The following GLE1 variants were observed in gnomAD, a reference collection of about 807,000 sequenced individuals.
GLE1 encodes the protein mRNA export factor GLE1.
GLE1 carries 78 observed loss-of-function variants against 97.3 expected under a neutral mutation model. That is an observed-to-expected ratio of 0.80 (90% CI 0.67 to 0.97). The LOEUF (loss-of-function observed/expected upper bound fraction) is 0.97, where lower values mean the gene tolerates loss of function less well. GLE1 is among the 50% of genes least tolerant of loss of function. The pLI is 0.00. For missense variants in GLE1, 753 were observed against 857.5 expected, an observed-to-expected ratio of 0.88 and a Z score of 1.52; for synonymous variants, 302 against 313.4, an observed-to-expected ratio of 0.96 and a Z score of 0.39.
At chr9:128,528,267 G>A (rs1847367440) in intron 9 of GLE1, among the ~76,000 whole-genome samples, 1 of 150,882 alleles carries the variant, frequency 6.6e-6, no homozygotes, top group African/African-American at 2.4e-5. Flanking sequence ...GCCTCCCAAA[G>A]GGCTGGGATT....
chr9:128,510,526 CTTT>C (rs71381766), intron 2 of GLE1, among the ~76,000 whole-genome samples: 15 of 82,720 alleles, frequency 1.8e-4, no homozygotes, highest in East Asian at 3.2e-4. Context: ...CACACCCAGG[CTTT>C]TTTTTTTTTT....
rs80274116 is a variant in GLE1, at chr9:128,515,786, T to G, written c.432+147T>G. 1.0e-3 allele frequency: 681 copies of G among 666,230 alleles called. 2 individuals are homozygous for G. The highest frequency in any genetic ancestry group is 0.01 in the African/African-American group (569 of 56,408). The allele number at this position is 666,230 out of a possible 1,614,324, so 41.3% of individuals were successfully genotyped here. On this transcript the variant is annotated intron_variant, in intron 3 of 15. Coordinates refer to ENST00000309971, the MANE Select transcript of GLE1 (RefSeq NM_001003722.2). ...GGGGTAGTGTAATAGAGGTCAGGAGTGAGTGCTCTGAAGTCAAGTCTGGTT... is the reference window on the plus strand; with the variant it reads ...GGGGTAGTGTAATAGAGGTCAGGAGGGAGTGCTCTGAAGTCAAGTCTGGTT...
In GLE1 at chr9:128,524,008, T is replaced by G. The variant is rs543340999; in HGVS notation, c.897+162T>G. Among the ~76,000 whole-genome samples the G allele has an allele frequency of 2.0e-5, 3 of 152,068 alleles. No individual in the cohort carries two copies. The South Asian group carries it at 6.2e-4, about 32-fold the overall frequency. ...TATCTCTTTACCTAGAAGTAACCAC[T>G]GTTAACATTTTATTTTGTTTCTTTT... On this transcript the variant is annotated intron_variant, in intron 6 of 15. Coordinates refer to ENST00000309971, the MANE Select transcript of GLE1 (RefSeq NM_001003722.2).
chr9:128,528,533 G>A (rs1847380117), intron 9 of GLE1, among the ~76,000 whole-genome samples: 1 of 151,986 alleles, frequency 6.6e-6, no homozygotes, highest in South Asian at 2.1e-4. Context: ...TCGACCTCCT[G>A]ACCTTGTGAT....
At chr9:128,523,189 A>T (rs1847203048) in intron 4 of GLE1, 91 bp from the exon 5 acceptor site, 1 of 948,556 alleles carries the variant, frequency 1.1e-6, no homozygotes, top group Non-Finnish European at 1.7e-6. Flanking sequence ...AAGGAAGGGA[A>T]GGGAGGGCAG....
intron 6 of GLE1, 82 bp from the exon 7 acceptor site, chr9:128,525,110 A>C: frequency 1.0e-6 from 1 of 991,128 alleles, no homozygotes; most frequent in South Asian, 1.3e-5. Flanking sequence ...AACAATTCCA[A>C]TTGCAGGAAA....
intron 1 of GLE1, among the ~76,000 whole-genome samples, chr9:128,506,965 C>A (rs1028985448): frequency 6.6e-6 from 1 of 152,120 alleles, no homozygotes; most frequent in Admixed American, 6.6e-5. Context: ...CTGAACTACT[C>A]TAGTTTTTTC....
chr9:128,524,577 G>T, intron 6 of GLE1, among the ~76,000 whole-genome samples: 1 of 134,922 alleles, frequency 7.4e-6, no homozygotes, highest in Admixed American at 8.0e-5. Context: ...TTTGAGACAG[G>T]GTCTCACACT....
Position 128,536,369 on chromosome 9 carries a change from A to G in GLE1, c.1661A>G (p.Gln554Arg). 1 of 1,613,708 alleles carries G rather than the reference A, an allele frequency of 6.2e-7. No individual in the cohort carries two copies. The highest frequency in any genetic ancestry group is 2.2e-5 in the East Asian group (1 of 44,834). ...LEDYQRMLGY[Q>R]VKDSKVEQQD... ...TTCCCGTATAGGATGCTTGGTTACC[A>G]AGTAAAGGATTCCAAAGTGGAGCAG... Residue 554 changes from glutamine to arginine, a missense_variant, in exon 12 of 16, where the codon CAA becomes CGA. Gln to Arg is a conservative substitution (Grantham distance 43, BLOSUM62 1). Coordinates refer to ENST00000309971, the MANE Select transcript of GLE1 (RefSeq NM_001003722.2).
intron 4 of GLE1, 70 bp downstream of exon 4, chr9:128,522,886 CAAA>C: frequency 6.5e-7 from 1 of 1,546,746 alleles, no homozygotes; most frequent in Non-Finnish European, 8.9e-7. Flanking sequence ...AGAGGAATTC[CAAA>C]GGGAAAGAGT....
intron 9 of GLE1, among the ~76,000 whole-genome samples, chr9:128,533,273 A>T (rs1030503224): frequency 6.6e-6 from 1 of 151,660 alleles, no homozygotes; most frequent in South Asian, 2.1e-4. Context: ...AAAAAAAAAA[A>T]TACAAAACTT....
chr9:128,539,476 C>T, intron 13 of GLE1, 140 bp from the exon 14 acceptor site: 2 of 722,188 alleles, frequency 2.8e-6, no homozygotes, highest in South Asian at 1.5e-5. Flanking sequence ...CCATTTATTC[C>T]CTTGTTAGCA....
At chr9:128,523,441 G>T in intron 5 of GLE1, 101 bp downstream of exon 5, 1 of 1,374,866 alleles carries the variant, frequency 7.3e-7, no homozygotes, top group Non-Finnish European at 1.0e-6. Context: ...GATCTGGGCC[G>T]TATTATGCCT....
intron 6 of GLE1, among the ~76,000 whole-genome samples, chr9:128,524,540 C>CTTTTTTTTTT (rs71381767): frequency 5.0e-5 from 2 of 39,644 alleles, no homozygotes; most frequent in African/African-American, 9.3e-5. Flanking sequence ...CTTTGCTTTG[C>CTTTTTTTTTT]TTTTTTTTTT....
In GLE1 at chr9:128,525,436, A is replaced by G; in HGVS notation, c.1129+13A>G. On this transcript the variant is annotated intron_variant, in intron 7 of 15. Transcript: ENST00000309971. ...AAACAGAATGAAGGTGGGTTTCAGT[A>G]TGGATGTGGTCCTTTAACTCGTAAG... The G allele has an allele frequency of 4.8e-6, 7 of 1,461,542 alleles. No homozygotes were observed. The highest frequency in any genetic ancestry group is 6.6e-6 in the Non-Finnish European group (7 of 1,054,184). The allele number at this position is 1,461,542 out of a possible 1,614,324, so 90.5% of individuals were successfully genotyped here. A position where few individuals can be genotyped will look rare whatever the true frequency, so the allele number is the denominator to read the frequency against.
intron 12 of GLE1, chr9:128,536,697 CAG>C (rs1564159283): frequency 1.2e-5 from 6 of 499,984 alleles, no homozygotes; most frequent in Non-Finnish European, 1.8e-5. Flanking sequence ...GGTTTTGTAA[CAG>C]AGTCTACCAG....
chr9:128,536,604 T>A (rs1847719287), intron 12 of GLE1, 120 bp downstream of exon 12: 3 of 881,110 alleles, frequency 3.4e-6, no homozygotes, highest in Admixed American at 1.9e-5. Context: ...ATAAACTATA[T>A]GGCAGTTTCA....
At chr9:128,525,537 G>A (rs1387797811) in intron 7 of GLE1, 114 bp downstream of exon 7, 1 of 758,802 alleles carries the variant, frequency 1.3e-6, no homozygotes, top group African/African-American at 1.7e-5. Flanking sequence ...AGAATTTTAT[G>A]TAATGTATTT....
chr9:128,528,599 G>A (rs548347860), intron 9 of GLE1, among the ~76,000 whole-genome samples: 11 of 152,220 alleles, frequency 7.2e-5, no homozygotes, highest in African/African-American at 2.6e-4. Flanking sequence ...CACTGCACCC[G>A]GCCTTTTTGA....
Sources: allele counts gnomAD v4.1 joint callset (sites outside exome capture counted in the v4.1 genomes callset), GRCh38; gene constraint gnomAD v4.1.1; transcripts MANE v1.5; gene names NCBI Gene and HGNC (gene_info 2026-07-23, HGNC 2026-07-21).